Variants in DST observed in about 807,000 individuals in gnomAD.
DST encodes bullous pemphigoid antigen.
A neutral mutation model predicts 875.2 loss-of-function variants in DST; 253 were observed. That is an observed-to-expected ratio of 0.29 (90% CI 0.26 to 0.32). DST has a LOEUF of 0.32. DST is among the 10% of genes least tolerant of loss of function. The pLI, the probability that DST is intolerant of heterozygous loss-of-function variation, is 1.00. For synonymous variants in DST, 3,124 were observed against 3,197.1 expected (o/e 0.98, Z 0.77); for missense variants, 8,287 against 9,111.6 (o/e 0.91, Z 3.68).
At chr6:56,462,480 C>G (rs575096204) in intron 102 of DST, among the ~76,000 whole-genome samples, 1 of 152,242 alleles carries the variant, frequency 6.6e-6, no homozygotes, top group East Asian at 1.9e-4. Flanking sequence ...CCTAAGCCTA[C>G]CCCTCTGACC....
chr6:56,934,857 A>C (rs1022998068), intron 2 of DST, among the ~76,000 whole-genome samples: 6 of 152,014 alleles, frequency 3.9e-5, no homozygotes, highest in African/African-American at 1.4e-4. Flanking sequence ...TTCTTTAAAA[A>C]ATATTGTAAC....
Position 56,609,035 on chromosome 6 carries a change from T to C in DST, c.5593A>G (p.Thr1865Ala). The C allele has an allele frequency of 1.2e-6, 2 of 1,613,836 alleles. No homozygotes were observed. The highest frequency in any genetic ancestry group is 1.7e-6 in the Non-Finnish European group (2 of 1,179,796). ...VLDALAQSMI[T>A]ESMAIKVLEI... ...AGAACTTTGATGGCCATGGATTCTG[T>C]TATCATGCTTTGAGCTAGAGCATCC... Residue 1865 changes from threonine to alanine, a missense_variant, in exon 40 of 104, where the codon ACA (threonine) becomes GCA (alanine). Physicochemically the swap from Thr to Ala is moderately conservative, Grantham distance 58 (BLOSUM62 0). Coordinates refer to ENST00000680361, the MANE Select transcript of DST (RefSeq NM_001374736.1).
At chr6:56,628,265 A>C (rs925620911) in intron 32 of DST, 104 bp from the exon 33 acceptor site, 14 of 1,020,338 alleles carry the variant, frequency 1.4e-5, no homozygotes, top group African/African-American at 9.4e-5. Context: ...GCAATGAACT[A>C]AGCACAAGAC....
At position 56,639,767 on chromosome 6, in the gene DST, T is replaced by A; in HGVS notation, c.2626A>T (p.Met876Leu). The A allele has an allele frequency of 1.2e-6, 2 of 1,613,594 alleles. No individual in the cohort carries two copies. The highest frequency in any genetic ancestry group is 1.7e-6 in the Non-Finnish European group (2 of 1,179,624). ...TAAGTCAGTTTAAGAGGTGCTGTCA[T>A]TTGAATCTATAACATGAGATTAAAA... ...LKEAKISEIQMTAPLKLTYAE... is the reference protein window; with the variant it reads ...LKEAKISEIQLTAPLKLTYAE... The change falls in exon 20 of 104, where the codon ATG becomes TTG. Residue 876 changes from methionine (M) to leucine (L), a missense_variant. By Grantham distance (15) the Met-to-Leu change is conservative. Around this residue, in one of 10 missense-constraint regions of DST, gnomAD observed 1,160 missense variants for 1,424.3 expected, o/e 0.81. Coordinates refer to ENST00000680361, the MANE Select transcript of DST (RefSeq NM_001374736.1).
intron 44 of DST, among the ~76,000 whole-genome samples, chr6:56,600,679 C>A (rs1301970913): frequency 6.6e-6 from 1 of 151,994 alleles, no homozygotes; most frequent in East Asian, 1.9e-4. Flanking sequence ...ACATTGCATG[C>A]AATATTTTTA....
Position 56,605,660 on chromosome 6 carries a change from C to T in DST, c.8968G>A (p.Val2990Ile), listed in dbSNP as rs751462482. Residue 2990 changes from valine (V) to isoleucine (I), a missense_variant, in exon 40 of 104, where the codon GTT becomes ATT. By Grantham distance (29) the Val-to-Ile change is conservative. Around this residue, in one of 10 missense-constraint regions of DST, gnomAD observed 3,138 missense variants for 3,116.6 expected, o/e 1.01. Transcript: ENST00000680361. ...DEYFKNMTPK[V>I]DSSLDHIICT... ...ATGATGTGATCAAGAGATGAGTCAA[C>T]TTTTGGTGTCATATTCTTAAAATAT... 1 of 1,612,956 alleles carries T rather than the reference C, an allele frequency of 6.2e-7. No individual in the cohort carries two copies. The highest frequency in any genetic ancestry group is 2.2e-5 in the East Asian group (1 of 44,836).
intron 80 of DST, among the ~76,000 whole-genome samples, chr6:56,498,837 A>T (rs1305548161): frequency 6.6e-6 from 1 of 152,128 alleles, no homozygotes; most frequent in African/African-American, 2.4e-5. Flanking sequence ...TGTCAGAGAT[A>T]CTTAAACCCA....
chr6:56,644,292 T>C (rs1447753934), intron 15 of DST, among the ~76,000 whole-genome samples: 1 of 152,208 alleles, frequency 6.6e-6, no homozygotes, highest in Non-Finnish European at 1.5e-5. Flanking sequence ...GTTTTAATAA[T>C]CCAGTTATGT....
chr6:56,618,942 C>T lies in DST; in HGVS notation c.4930-4458G>A, dbSNP rs748013072. ...TGTTGTAGCTGAACTTTCTGCTCCC[C>T]GCGTCGCTTCTCTTCTTTGGAAGCA... On this transcript the variant is annotated intron_variant, in intron 36 of 103. Transcript: ENST00000680361. 20 of 1,614,046 alleles carry T rather than the reference C, an allele frequency of 1.2e-5. No individual in the cohort carries two copies. The highest frequency in any genetic ancestry group is 6.7e-5 in the African/African-American group (5 of 74,904).
chr6:56,838,577 A>G (rs1474044343), intron 4 of DST, among the ~76,000 whole-genome samples: 1 of 152,234 alleles, frequency 6.6e-6, no homozygotes, highest in Non-Finnish European at 1.5e-5. Flanking sequence ...AAAACCTAGA[A>G]GTTTTAAAAA....
At chr6:56,635,552 T>C (rs751363664) in intron 24 of DST, 37 bp downstream of exon 24, 16 of 1,608,044 alleles carry the variant, frequency 9.9e-6, no homozygotes, top group Middle Eastern at 1.7e-4. Context: ...TAATCACTTA[T>C]GCATACTTAT....
intron 9 of DST, among the ~76,000 whole-genome samples, chr6:56,677,136 TAA>T (rs1424018962): frequency 6.6e-6 from 1 of 152,166 alleles, no homozygotes; most frequent in Non-Finnish European, 1.5e-5. Context: ...TTTGTCAATT[TAA>T]AAAAACTTAA....
intron 3 of DST, among the ~76,000 whole-genome samples, chr6:56,869,894 C>A (rs1776167821): frequency 6.6e-6 from 1 of 151,972 alleles, no homozygotes; most frequent in South Asian, 2.1e-4. Context: ...TTATGTTGCC[C>A]AGGCTAGTCT....
At chr6:56,577,953 G>T (rs1284538078) in intron 50 of DST, among the ~76,000 whole-genome samples, 1 of 152,038 alleles carries the variant, frequency 6.6e-6, no homozygotes, top group Non-Finnish European at 1.5e-5. Context: ...CTCCCCAAAT[G>T]TTGGGATTAC....
chr6:56,614,385 C>A lies in DST; in HGVS notation c.5029G>T (p.Ala1677Ser), dbSNP rs370590691. The change falls in exon 37 of 104, where the codon GCT (alanine) becomes TCT (serine). Residue 1677 changes from alanine to serine, a missense_variant. Physicochemically the swap from Ala to Ser is moderately conservative, Grantham distance 99 (BLOSUM62 1). Coordinates refer to ENST00000680361, the MANE Select transcript of DST (RefSeq NM_001374736.1). ...ISKTLKDAEKAGKPPFSKQKI... is the reference protein window; with the variant it reads ...ISKTLKDAEKSGKPPFSKQKI... ...TGCTTAGAGAAGGGAGGTTTTCCAG[C>A]CTTCTCTGCATCTTTCAATGTCTTG... 284 of 1,607,822 alleles carry A rather than the reference C, an allele frequency of 1.8e-4. 1 individual carries two copies. Among genetic ancestry groups the A allele is most frequent in the Non-Finnish European group, 2.3e-4 (276 of 1,177,140 alleles).
At chr6:56,616,773 C>A in intron 36 of DST, 1 of 1,614,174 alleles carries the variant, frequency 6.2e-7, no homozygotes, top group Non-Finnish European at 8.5e-7. Flanking sequence ...ATTCTATTTT[C>A]CATAGCTTGA....
At chr6:56,898,725 C>A (rs559177654) in intron 3 of DST, among the ~76,000 whole-genome samples, 1 of 152,266 alleles carries the variant, frequency 6.6e-6, no homozygotes, top group African/African-American at 2.4e-5. Flanking sequence ...ATATGTTTTT[C>A]TCATGCAGAA....
intron 36 of DST, chr6:56,616,633 G>T: frequency 6.2e-7 from 1 of 1,614,176 alleles, no homozygotes; most frequent in Middle Eastern, 1.6e-4. Flanking sequence ...AAAACTGTAA[G>T]ATGGCATTAT....
At position 56,636,678 on chromosome 6, in the gene DST, A is replaced by C. The variant is rs745433853; in HGVS notation, c.2965-26T>G. 41 of 1,582,470 alleles carry C rather than the reference A, an allele frequency of 2.6e-5. No homozygotes were observed. The Admixed American group carries it at 6.2e-4, about 24-fold the overall frequency. On this transcript the variant is annotated intron_variant, in intron 22 of 103. Coordinates refer to ENST00000680361, the MANE Select transcript of DST (RefSeq NM_001374736.1). ...CTTAAAGATAAAACAGAGCCATCAT[A>C]ACTGACTGGGGAGAAATAAGGCACA...
Sources: gnomAD v4.1 joint callset for allele counts (sites outside exome capture counted in the v4.1 genomes callset) on GRCh38, gnomAD v4.1.1 for gene constraint, gnomAD v4.1.1 regional missense constraint, MANE v1.5 for transcripts, NCBI Gene and HGNC (gene_info 2026-07-23, HGNC 2026-07-21) for gene names.